The following NRXN3 variants were observed in gnomAD, a reference collection of about 807,000 sequenced individuals.
NRXN3 encodes neurexin 3, also known as neurexin III.
Under a neutral mutation model 137.6 loss-of-function variants are expected in NRXN3, and 32 were observed. The ratio of observed to expected loss-of-function variants is 0.23; its 90% confidence interval spans 0.18 to 0.31. NRXN3 has a LOEUF of 0.31. Among genes scored for constraint, NRXN3 ranks in the 10% least tolerant of loss-of-function variants. The pLI is 1.00. For missense variants in NRXN3, 1,574 were observed against 2,062.5 expected (o/e 0.76, Z 4.59); for synonymous variants, 798 against 784.5 (o/e 1.02, Z -0.29).
At chr14:79,644,389 G>A (rs910567449) in intron 16 of NRXN3, among the ~76,000 whole-genome samples, 1 of 135,626 alleles carries the variant, frequency 7.4e-6, no homozygotes, top group African/African-American at 2.5e-5. Context: ...GAAGGTTTGG[G>A]GATGCATATA....
Position 79,333,560 on chromosome 14 carries a change from G to A in NRXN3, c.3263-133661G>A, listed in dbSNP as rs138972139. Among the ~76,000 whole-genome samples, 363 of 152,232 alleles carry A rather than the reference G, an allele frequency of 2.4e-3. 2 individuals carry two copies. Among genetic ancestry groups the A allele is most frequent in the African/African-American group, 8.3e-3 (346 of 41,536 alleles). ...ATTGGAGAAGGGCCGCTGAAGCCTG[G>A]GATAATGAGTCCTTAGGCAATAGTT... On this transcript the variant is annotated intron_variant, in intron 15 of 20. Coordinates refer to ENST00000335750, the MANE Select transcript of NRXN3 (RefSeq NM_001330195.2).
chr14:79,294,451 A>C (rs2083700984), intron 15 of NRXN3, among the ~76,000 whole-genome samples: 1 of 152,220 alleles, frequency 6.6e-6, no homozygotes, highest in African/African-American at 2.4e-5. Context: ...AGTGTTACAG[A>C]GAAAATTCAC....
chr14:78,616,379 CG>C (rs1288074680), intron 4 of NRXN3, among the ~76,000 whole-genome samples: 1 of 152,186 alleles, frequency 6.6e-6, no homozygotes, highest in Non-Finnish European at 1.5e-5. Flanking sequence ...AAGGCTAACT[CG>C]TACTCATTTG....
chr14:78,436,942 G>A (rs1341242866), intron 4 of NRXN3, among the ~76,000 whole-genome samples: 5 of 152,206 alleles, frequency 3.3e-5, no homozygotes, highest in African/African-American at 1.2e-4. Context: ...CTAAGAGCAT[G>A]AACTCTGGCA....
At chr14:79,077,931 T>C (rs1032370720) in intron 15 of NRXN3, among the ~76,000 whole-genome samples, 2 of 152,132 alleles carry the variant, frequency 1.3e-5, no homozygotes, top group Admixed American at 6.6e-5. Flanking sequence ...GGCTTTCCAT[T>C]TGATTTCAGT....
chr14:79,757,955 G>C (rs993539599), intron 19 of NRXN3, among the ~76,000 whole-genome samples: 20 of 152,040 alleles, frequency 1.3e-4, no homozygotes, highest in African/African-American at 4.6e-4. Context: ...TAAGCCTTTG[G>C]ACAATAAGAA....
At chr14:78,894,732 A>G (rs1299349816) in intron 10 of NRXN3, among the ~76,000 whole-genome samples, 12 of 152,004 alleles carry the variant, frequency 7.9e-5, no homozygotes, top group Middle Eastern at 6.8e-3. Flanking sequence ...TATTTTTTAA[A>G]TAATAAGACT....
Position 79,404,943 on chromosome 14 carries a change from A to C in NRXN3, c.3263-62278A>C, listed in dbSNP as rs116275425. 0.016 allele frequency among the ~76,000 whole-genome samples: 2,425 copies of C among 152,254 alleles called. 92 individuals are homozygous for C. The East Asian group carries it at 0.16, about 10-fold the overall frequency. ...GATAAAGTGGGAACAGAGAGAAGCCAGTGGGTGGTGGTGAGAGATGGGGGC... is the reference window on the plus strand; with the variant it reads ...GATAAAGTGGGAACAGAGAGAAGCCCGTGGGTGGTGGTGAGAGATGGGGGC... On this transcript the variant is annotated intron_variant, in intron 15 of 20. Coordinates refer to ENST00000335750, the MANE Select transcript of NRXN3 (RefSeq NM_001330195.2).
chr14:78,838,279 A>G (rs1205734801), intron 10 of NRXN3, among the ~76,000 whole-genome samples: 1 of 152,212 alleles, frequency 6.6e-6, no homozygotes, highest in Non-Finnish European at 1.5e-5. Flanking sequence ...TAAATCTATG[A>G]TAAGATTAAT....
At chr14:78,203,858 T>TTG (rs949607731) in intron 1 of NRXN3, among the ~76,000 whole-genome samples, 5 of 141,916 alleles carry the variant, frequency 3.5e-5, no homozygotes, top group Non-Finnish European at 7.8e-5. Flanking sequence ...TGTGTGTGGT[T>TTG]TGTGTGTGTG....
chr14:78,332,961 G>A lies in NRXN3; in HGVS notation c.757+35101G>A, dbSNP rs778406522. Among the ~76,000 whole-genome samples, 21 of 152,174 alleles carry A rather than the reference G, an allele frequency of 1.4e-4. 1 individual carries two copies. The highest frequency in any genetic ancestry group is 2.1e-4 in the South Asian group (1 of 4,836). On this transcript the variant is annotated intron_variant, in intron 4 of 20. Coordinates refer to ENST00000335750, the MANE Select transcript of NRXN3 (RefSeq NM_001330195.2). ...AGGACTCTCCAGGACCACTTTAATC[G>A]GAGGTCAGAATAATTTACAGTTACT... is the stretch of plus-strand genomic sequence containing the variant.
chr14:78,246,020 A>G (rs1187073811), intron 2 of NRXN3, among the ~76,000 whole-genome samples: 5 of 152,218 alleles, frequency 3.3e-5, no homozygotes, highest in African/African-American at 1.2e-4. Context: ...AGACGCTGAC[A>G]TGATCACTTG....
At chr14:79,390,273 C>T (rs369009937) in intron 15 of NRXN3, among the ~76,000 whole-genome samples, 31 of 149,674 alleles carry the variant, frequency 2.1e-4, no homozygotes, top group East Asian at 7.9e-4. Flanking sequence ...GTAGAGATCG[C>T]GCCACTGCAC....
intron 10 of NRXN3, among the ~76,000 whole-genome samples, chr14:78,863,360 G>A (rs1295211964): frequency 1.3e-5 from 2 of 152,228 alleles, no homozygotes; most frequent in East Asian, 1.9e-4. Context: ...GGTGCTGAAC[G>A]TGCTCTGCAA....
chr14:78,531,598 T>C (rs1167338680), intron 4 of NRXN3, among the ~76,000 whole-genome samples: 1 of 148,774 alleles, frequency 6.7e-6, no homozygotes, highest in East Asian at 2.0e-4. Flanking sequence ...CAATCTGAAC[T>C]GAATCAGAGT....
chr14:78,597,950 G>C (rs1046388906), intron 4 of NRXN3, among the ~76,000 whole-genome samples: 1 of 152,124 alleles, frequency 6.6e-6, no homozygotes, highest in Non-Finnish European at 1.5e-5. Flanking sequence ...GCACCATCAG[G>C]ATTAAAAGCA....
chr14:78,614,479 T>G (rs561690717), intron 4 of NRXN3, among the ~76,000 whole-genome samples: 4 of 152,010 alleles, frequency 2.6e-5, no homozygotes, highest in Non-Finnish European at 5.9e-5. Flanking sequence ...TAACATTTTA[T>G]TAATTAAGCA....
chr14:79,490,934 A>G (rs1204470485), intron 16 of NRXN3, among the ~76,000 whole-genome samples: 1 of 152,146 alleles, frequency 6.6e-6, no homozygotes, highest in Non-Finnish European at 1.5e-5. Flanking sequence ...TCATAAATAT[A>G]TACACCTACT....
At position 78,968,220 on chromosome 14, in the gene NRXN3, C is replaced by T. The variant is rs749375692; in HGVS notation, c.3016C>T (p.Pro1006Ser). 6.2e-7 allele frequency: 1 copy of T among 1,614,026 alleles called. No individual in the cohort carries two copies. The highest frequency in any genetic ancestry group is 8.5e-7 in the Non-Finnish European group (1 of 1,179,950). Residue 1006 changes from proline to serine, a missense_variant, in exon 14 of 21, where the codon CCA becomes TCA. Physicochemically the swap from Pro to Ser is moderately conservative, Grantham distance 74. Transcript: ENST00000335750. ...GLAQGMYSNL[P>S]KLVASRDGFQ... ...GGCCCAAGGCATGTACAGCAACCTC[C>T]CAAAGCTCGTGGCCTCTCGAGATGG...
Sources: gnomAD v4.1 joint callset for allele counts (sites outside exome capture counted in the v4.1 genomes callset) on GRCh38, gnomAD v4.1.1 for gene constraint, MANE v1.5 for transcripts, NCBI Gene and HGNC (gene_info 2026-07-23, HGNC 2026-07-21) for gene names.